SETBP1: variants seen among roughly 807,000 people sequenced by gnomAD.
SETBP1 encodes SET binding protein 1, also known as SET-binding protein.
Under a neutral mutation model 101.0 loss-of-function variants are expected in SETBP1, and 9 were observed. The observed-to-expected ratio is 0.09, with a 90% CI of 0.05 to 0.16. The LOEUF (loss-of-function observed/expected upper bound fraction) is 0.16, where lower values mean the gene tolerates loss of function less well. SETBP1 is among the 10% of genes least tolerant of loss of function. SETBP1 has a pLI of 1.00. For missense variants in SETBP1, 1,858 were observed against 2,033.8 expected (o/e 0.91, Z 1.66); for synonymous variants, 818 against 788.5 (o/e 1.04, Z -0.63).
At chr18:44,801,632 A>AATGTTGTGTTT (rs2071610044) in intron 2 of SETBP1, among the ~76,000 whole-genome samples, 1 of 152,128 alleles carries the variant, frequency 6.6e-6, no homozygotes, top group Admixed American at 6.6e-5. Context: ...CAACATTGGG[A>AATGTTGTGTTT]CCATTCATGG....
At chr18:45,048,966 G>A (rs1440022732) in intron 5 of SETBP1, among the ~76,000 whole-genome samples, 1 of 93,902 alleles carries the variant, frequency 1.1e-5, no homozygotes, top group East Asian at 3.0e-4. Flanking sequence ...GCGACAGAGC[G>A]AGACTCCGTC....
chr18:44,696,978 C>A (rs973356159), intron 1 of SETBP1, among the ~76,000 whole-genome samples: 1 of 152,206 alleles, frequency 6.6e-6, no homozygotes, highest in Non-Finnish European at 1.5e-5. Context: ...CCACTCCCAG[C>A]CCCCACTGCC....
chr18:44,797,236 C>A (rs1351017771), intron 2 of SETBP1, among the ~76,000 whole-genome samples: 1 of 152,174 alleles, frequency 6.6e-6, no homozygotes, highest in East Asian at 1.9e-4. Context: ...CATATGTCAG[C>A]ATATTTGCTA....
chr18:44,897,417 C>CA (rs149335422), intron 3 of SETBP1, among the ~76,000 whole-genome samples: 34 of 147,082 alleles, frequency 2.3e-4, no homozygotes, highest in South Asian at 4.3e-4. Flanking sequence ...GGAGGCTCTG[C>CA]AAAAAAAAAA....
rs910706859 is a variant in SETBP1 at position 45,066,723 on chromosome 18, C to G, written c.*3025C>G. On this transcript the variant is annotated 3_prime_UTR_variant, in exon 6 of 6. Coordinates refer to ENST00000649279, the MANE Select transcript of SETBP1 (RefSeq NM_015559.3). ...TTTGGGATGCATGGTGCTCCACATA[C>G]AGCTTCACAAAATATTTCATTATAA... 1 of 150,856 alleles carries G rather than the reference C, an allele frequency of 6.6e-6. No homozygotes were observed. The highest frequency in any genetic ancestry group is 2.4e-5 in the African/African-American group (1 of 40,952). 9.3% of individuals were successfully genotyped at this position (150,856 alleles called of 1,614,324 possible).
Position 44,953,231 on chromosome 18 carries a change from G to A in SETBP1, c.3891G>A (p.Gly1297=), listed in dbSNP as rs141788618. ...ACAAGTGGGACAGTGACGTGAGTGG[G>A]AGTAAAAGGAGGAGCTATGAAGGCT... ...SNDKWDSDVS[G]SKRRSYEGFG... is the part of the protein sequence containing the mutation. Residue 1297 remains glycine (G), a synonymous_variant, in exon 4 of 6, where the codon GGG becomes GGA. Transcript: ENST00000649279. 1.4e-4 allele frequency: 218 copies of A among 1,614,028 alleles called. No homozygotes were observed. Among genetic ancestry groups the A allele is most frequent in the South Asian group, 1.8e-4 (16 of 91,074 alleles).
chr18:45,005,867 C>G (rs2072713940), intron 4 of SETBP1, among the ~76,000 whole-genome samples: 1 of 149,430 alleles, frequency 6.7e-6, no homozygotes, highest in African/African-American at 2.5e-5. Context: ...AGGATGGTCT[C>G]AATCTCCTGA....
intron 4 of SETBP1, among the ~76,000 whole-genome samples, chr18:44,964,834 A>G (rs185679667): frequency 2.2e-4 from 34 of 152,088 alleles, no homozygotes; most frequent in Non-Finnish European, 4.1e-4. Context: ...TTTCTCCACT[A>G]CCACTATGGT....
intron 2 of SETBP1, among the ~76,000 whole-genome samples, chr18:44,868,568 A>G (rs2069180020): frequency 6.6e-6 from 1 of 151,888 alleles, no homozygotes; most frequent in Non-Finnish European, 1.5e-5. Flanking sequence ...GGTGGCAGGC[A>G]TCTGTAATCC....
chr18:44,899,278 TTAAA>T (rs1487837336), intron 3 of SETBP1, among the ~76,000 whole-genome samples: 1 of 152,180 alleles, frequency 6.6e-6, no homozygotes, highest in Non-Finnish European at 1.5e-5. Context: ...AAGTAAATTT[TTAAA>T]TAAATAGTCA....
At position 44,876,758 on chromosome 18, in the gene SETBP1, G is replaced by A. The variant is rs142301492; in HGVS notation, c.540+7475G>A. 4.0e-5 allele frequency: 60 copies of A among 1,513,136 alleles called. No individual in the cohort carries two copies. In the Middle Eastern group the frequency reaches 5.2e-4, roughly 13 times the overall value. The allele number at this position is 1,513,136 out of a possible 1,614,324, so 93.7% of individuals were successfully genotyped here. A position where few individuals can be genotyped will look rare whatever the true frequency, so the allele number is the denominator to read the frequency against. ...GTCTGGGCACAAGAAGTATAACTTC[G>A]CATGGATTCTGCAAAGCCCACACCT... On this transcript the variant is annotated intron_variant, in intron 3 of 5. Transcript: ENST00000649279.
chr18:44,972,003 G>GT (rs1185135377), intron 4 of SETBP1, among the ~76,000 whole-genome samples: 8 of 152,142 alleles, frequency 5.3e-5, no homozygotes, highest in Non-Finnish European at 1.0e-4. Context: ...GGTTTTTATG[G>GT]TTTTAGGTCT....
In SETBP1 at chr18:45,054,474, C is replaced by G. The variant is rs560904096; in HGVS notation, c.4172-8605C>G. Among the ~76,000 whole-genome samples the G allele has an allele frequency of 3.9e-5, 6 of 152,320 alleles. No homozygotes were observed. In the East Asian group the frequency reaches 1.2e-3, roughly 29 times the overall value. On this transcript the variant is annotated intron_variant, in intron 5 of 5. Coordinates refer to ENST00000649279, the MANE Select transcript of SETBP1 (RefSeq NM_015559.3). ...GTGCTGGGATTACAGGCGTGAGCCACCGTGCCCAGCTGACTATTTATAAGT... is the reference window on the plus strand; with the variant it reads ...GTGCTGGGATTACAGGCGTGAGCCAGCGTGCCCAGCTGACTATTTATAAGT...
chr18:45,024,398 A>T (rs1396174956), intron 4 of SETBP1, among the ~76,000 whole-genome samples: 2 of 152,138 alleles, frequency 1.3e-5, no homozygotes, highest in Non-Finnish European at 2.9e-5. Context: ...TTCTTTTTTA[A>T]TAGCATTCTG....
rs2145606477 is a variant in SETBP1, at chr18:45,066,768, A to C, written c.*3070A>C. The C allele has an allele frequency of 6.7e-6, 1 of 149,492 alleles. No individual in the cohort carries two copies. Among genetic ancestry groups the C allele is most frequent in the Middle Eastern group, 3.4e-3 (1 of 290 alleles). The allele number at this position is 149,492 out of a possible 1,614,324, so 9.3% of individuals were successfully genotyped here. A position where few individuals can be genotyped will look rare whatever the true frequency, so the allele number is the denominator to read the frequency against. Reference sequence around the variant, plus strand: ...TTATAAGAGAAACCCCTTGATTTTTATTTCTTTTTCTTTTGTTTTCTGGAT... The same window carrying C: ...TTATAAGAGAAACCCCTTGATTTTTCTTTCTTTTTCTTTTGTTTTCTGGAT... On this transcript the variant is annotated 3_prime_UTR_variant, in exon 6 of 6. Transcript: ENST00000649279.
intron 3 of SETBP1, among the ~76,000 whole-genome samples, chr18:44,916,669 A>G (rs945675355): frequency 7.3e-6 from 1 of 137,328 alleles, no homozygotes; most frequent in Admixed American, 7.2e-5. Flanking sequence ...CGGAGAGAAT[A>G]TTTTCTGAGC....
At chr18:44,949,407 G>C (rs1307023961) in intron 3 of SETBP1, among the ~76,000 whole-genome samples, 1 of 152,240 alleles carries the variant, frequency 6.6e-6, no homozygotes, top group Non-Finnish European at 1.5e-5. Context: ...ACAGAAATAA[G>C]AGACTGTTCG....
intron 2 of SETBP1, among the ~76,000 whole-genome samples, chr18:44,761,802 A>T (rs2614981): frequency 6.6e-6 from 1 of 152,220 alleles, no homozygotes; most frequent in Non-Finnish European, 1.5e-5. Context: ...TAGGCAGAAC[A>T]ATTGTTTTTC....
intron 3 of SETBP1, among the ~76,000 whole-genome samples, chr18:44,918,845 C>A (rs963723536): frequency 6.6e-6 from 1 of 152,202 alleles, no homozygotes; most frequent in South Asian, 2.1e-4. Flanking sequence ...CTGGGATGGA[C>A]CCCACAAATG....
Sources: gnomAD v4.1 joint callset for allele counts (sites outside exome capture counted in the v4.1 genomes callset) on GRCh38, gnomAD v4.1.1 for gene constraint, MANE v1.5 for transcripts, NCBI Gene and HGNC (gene_info 2026-07-23, HGNC 2026-07-21) for gene names.